Variants in SCHIP1 observed in about 807,000 individuals in gnomAD.
The protein encoded by SCHIP1 is schwannomin interacting protein 1, also known as schwannomin-interacting protein 1.
Under a neutral mutation model 29.7 loss-of-function variants are expected in SCHIP1, and 8 were observed. The ratio of observed to expected loss-of-function variants is 0.27; its 90% confidence interval spans 0.16 to 0.49. The LOEUF is 0.49. Among genes scored for constraint, SCHIP1 ranks in the 20% least tolerant of loss-of-function variants. The pLI is 0.99. For synonymous variants in SCHIP1, 76 were observed against 94.9 expected (o/e 0.80, Z 1.16); for missense variants, 193 against 294.6 (o/e 0.66, Z 2.52).
the SCHIP1 span, among the ~76,000 whole-genome samples, chr3:159,556,102 GCAAAGGA>G: frequency 6.6e-6 from 1 of 152,096 alleles, no homozygotes; most frequent in Non-Finnish European, 1.5e-5. Context: ...CAAAAAGTGG[GCAAAGGA>G]CATGAACAGA....
chr3:159,870,755 G>T (rs1320468498), intron 2 of SCHIP1, among the ~76,000 whole-genome samples: 1 of 151,848 alleles, frequency 6.6e-6, no homozygotes, highest in African/African-American at 2.4e-5. Flanking sequence ...TGAATCTATT[G>T]TATTCTTTTC....
At chr3:159,386,286 A>C in the SCHIP1 span, among the ~76,000 whole-genome samples, 2 of 152,128 alleles carry the variant, frequency 1.3e-5, no homozygotes, top group African/African-American at 4.8e-5. Context: ...CACAATTGCT[A>C]CAAAGAGAAT....
the SCHIP1 span, among the ~76,000 whole-genome samples, chr3:159,399,915 T>A: frequency 6.6e-6 from 1 of 152,208 alleles, no homozygotes; most frequent in African/African-American, 2.4e-5. Context: ...TGACCTCCAG[T>A]GATCATCCTG....
At chr3:159,637,684 TCATA>T in the SCHIP1 span, among the ~76,000 whole-genome samples, 1 of 152,298 alleles carries the variant, frequency 6.6e-6, no homozygotes, top group African/African-American at 2.4e-5. Context: ...TCTAGAAAAG[TCATA>T]CAGAGTGAAA....
the SCHIP1 span, among the ~76,000 whole-genome samples, chr3:159,367,570 A>C: frequency 6.6e-6 from 1 of 152,226 alleles, no homozygotes; most frequent in East Asian, 1.9e-4. Flanking sequence ...TCACTGCCAA[A>C]CAAATAATAG....
chr3:159,719,677 A>G, the SCHIP1 span, among the ~76,000 whole-genome samples: 1 of 152,252 alleles, frequency 6.6e-6, no homozygotes, highest in Non-Finnish European at 1.5e-5. Context: ...AACCAAAACT[A>G]CAATGAGATA....
chr3:159,273,281 T>G, the SCHIP1 span: 3 of 985,930 alleles, frequency 3.0e-6, no homozygotes, highest in African/African-American at 5.2e-5. Flanking sequence ...GAGCCTGATT[T>G]CTGCTGTGAT....
At chr3:159,330,085 A>G in the SCHIP1 span, among the ~76,000 whole-genome samples, 6 of 152,196 alleles carry the variant, frequency 3.9e-5, no homozygotes, top group African/African-American at 1.2e-4. Flanking sequence ...AGGTGAACAC[A>G]CTGTTTATCA....
At chr3:159,739,227 C>T in the SCHIP1 span, among the ~76,000 whole-genome samples, 1,040 of 152,234 alleles carry the variant, frequency 6.8e-3, 27 homozygotes, top group Admixed American at 0.05. Flanking sequence ...TCCTAAAGAG[C>T]CTTTAAAGCC....
chr3:159,752,880 T>C, the SCHIP1 span, among the ~76,000 whole-genome samples: 1 of 152,250 alleles, frequency 6.6e-6, no homozygotes, highest in African/African-American at 2.4e-5. Context: ...TTTGACTTCA[T>C]TTATTCCCCA....
intron 1 of SCHIP1, 151 bp from the exon 3 acceptor site, chr3:159,866,012 G>A (rs1714584585): frequency 1.5e-6 from 1 of 673,086 alleles, no homozygotes; most frequent in Non-Finnish European, 2.5e-6. Flanking sequence ...TAAAATTTCA[G>A]CTTTTAATAA....
the SCHIP1 span, among the ~76,000 whole-genome samples, chr3:159,346,344 C>T: frequency 1.3e-4 from 19 of 149,364 alleles, no homozygotes; most frequent in Admixed American, 6.0e-4. Context: ...TTGCTACAGC[C>T]GAAACTGCTC....
the SCHIP1 span, chr3:159,274,247 CT>C: frequency 2.0e-6 from 2 of 985,338 alleles, no homozygotes; most frequent in African/African-American, 1.7e-5. Context: ...GCACAAGACT[CT>C]CTTTGGAAAG....
At chr3:159,747,191 G>T in the SCHIP1 span, among the ~76,000 whole-genome samples, 1 of 152,136 alleles carries the variant, frequency 6.6e-6, no homozygotes, top group South Asian at 2.1e-4. Context: ...CCTTAAAGTA[G>T]CACCTCCCTA....
At chr3:159,652,446 T>C in the SCHIP1 span, among the ~76,000 whole-genome samples, 4 of 152,118 alleles carry the variant, frequency 2.6e-5, no homozygotes, top group Non-Finnish European at 5.9e-5. Flanking sequence ...CCTAAGCCAA[T>C]AGGGGACCCA....
chr3:159,392,819 T>C, the SCHIP1 span, among the ~76,000 whole-genome samples: 1 of 152,146 alleles, frequency 6.6e-6, no homozygotes, highest in Non-Finnish European at 1.5e-5. Flanking sequence ...GTCCTTTGGG[T>C]ATATACCCAG....
At chr3:159,346,298 A>T in the SCHIP1 span, among the ~76,000 whole-genome samples, 5 of 140,442 alleles carry the variant, frequency 3.6e-5, no homozygotes, top group Admixed American at 1.4e-4. Flanking sequence ...AAAAAAAAAA[A>T]GCAATACAAC....
the SCHIP1 span, among the ~76,000 whole-genome samples, chr3:159,696,416 G>A: frequency 6.6e-6 from 1 of 152,248 alleles, no homozygotes; most frequent in Admixed American, 6.5e-5. Flanking sequence ...AGTTTGCCAT[G>A]TGTCACCCAC....
chr3:159,618,903 C>T, the SCHIP1 span, among the ~76,000 whole-genome samples: 5 of 152,210 alleles, frequency 3.3e-5, no homozygotes, highest in Non-Finnish European at 7.3e-5. Context: ...GCCGTTTTCC[C>T]CTTTGATTGG....
Sources: gnomAD v4.1 joint callset for allele counts (sites outside exome capture counted in the v4.1 genomes callset) on GRCh38, gnomAD v4.1.1 for gene constraint, MANE v1.5 for transcripts, NCBI Gene and HGNC (gene_info 2026-07-23, HGNC 2026-07-21) for gene names.